The following AIG1 variants were observed in gnomAD, a reference collection of about 807,000 sequenced individuals.
AIG1 encodes androgen induced 1.
Under a neutral mutation model 31.4 loss-of-function variants are expected in AIG1, and 23 were observed. That is an observed-to-expected ratio of 0.73 (90% CI 0.53 to 1.04). The LOEUF is 1.04. Ranked by LOEUF, AIG1 falls within the 50% of genes least tolerant of loss-of-function variation. The probability of loss-of-function intolerance (pLI) is 0.00; values close to 1 mark genes in which losing one functional copy is unlikely to be tolerated. For synonymous variants in AIG1, 100 were observed against 110.5 expected, an observed-to-expected ratio of 0.90 and a Z score of 0.60; for missense variants, 274 against 295.0, an observed-to-expected ratio of 0.93 and a Z score of 0.52.
chr6:143,179,056 C>T (rs1788479698), intron 3 of AIG1, among the ~76,000 whole-genome samples: 1 of 152,010 alleles, frequency 6.6e-6, no homozygotes, highest in South Asian at 2.1e-4. Flanking sequence ...GGATAAGTGC[C>T]TTTATTGGGG....
chr6:143,152,205 C>T (rs1475945552), intron 2 of AIG1, among the ~76,000 whole-genome samples: 2 of 152,178 alleles, frequency 1.3e-5, no homozygotes, highest in East Asian at 1.9e-4. Context: ...AAAAAAAGCA[C>T]GGTTGATTTA....
At position 143,334,015 on chromosome 6, in the gene AIG1, T is replaced by C. The variant is rs1777290557; in HGVS notation, c.679+570T>C. 1.3e-6 allele frequency: 2 copies of C among 1,524,716 alleles called. No individual in the cohort carries two copies. The highest frequency in any genetic ancestry group is 1.8e-6 in the Non-Finnish European group (2 of 1,125,710). The allele number at this position is 1,524,716 out of a possible 1,614,324, so 94.4% of individuals were successfully genotyped here. A position where few individuals can be genotyped will look rare whatever the true frequency, so the allele number is the denominator to read the frequency against. ...GCTACAAGCAGTAAAAGATAATATT[T>C]CGTGGCTGGAAAAACTCTTTTAACC... On this transcript the variant is annotated intron_variant, in intron 5 of 5. Coordinates refer to ENST00000357847, the MANE Select transcript of AIG1 (RefSeq NM_016108.4). This position sits in a 1 kb window ranked among gnomAD's most constrained non-coding sequence, Gnocchi z 5.1.
At chr6:143,223,141 T>C (rs1792665173) in intron 3 of AIG1, among the ~76,000 whole-genome samples, 1 of 152,200 alleles carries the variant, frequency 6.6e-6, no homozygotes, top group Non-Finnish European at 1.5e-5. Flanking sequence ...CCAGCCTCTG[T>C]CTAGCAGACC....
At position 143,149,265 on chromosome 6, in the gene AIG1, A is replaced by C. The variant is rs146028030; in HGVS notation, c.297+12275A>C. 9.2e-3 allele frequency among the ~76,000 whole-genome samples: 1,403 copies of C among 152,160 alleles called. 15 individuals carry two copies. Among genetic ancestry groups the C allele is most frequent in the African/African-American group, 0.031 (1,280 of 41,512 alleles). ...TAGGAGGCTGGGTGCGGTGGCTTACACCTGTAATCCCAGCACTTTGGGAGG... is the reference window on the plus strand; with the variant it reads ...TAGGAGGCTGGGTGCGGTGGCTTACCCCTGTAATCCCAGCACTTTGGGAGG... On this transcript the variant is annotated intron_variant, in intron 2 of 5. Transcript: ENST00000357847.
At chr6:143,115,901 G>T (rs1781692383) in intron 1 of AIG1, among the ~76,000 whole-genome samples, 1 of 152,172 alleles carries the variant, frequency 6.6e-6, no homozygotes, top group African/African-American at 2.4e-5. Flanking sequence ...TTTTTCAGCT[G>T]TAATGTCAAC....
At chr6:143,257,169 C>T (rs1795427699) in intron 3 of AIG1, among the ~76,000 whole-genome samples, 1 of 152,214 alleles carries the variant, frequency 6.6e-6, no homozygotes, top group African/African-American at 2.4e-5. Flanking sequence ...CTCCCACTGC[C>T]TCCGTCCATG....
Position 143,318,901 on chromosome 6 carries a change from G to A in AIG1, c.516-14381G>A, listed in dbSNP as rs567041920. On this transcript the variant is annotated intron_variant, in intron 4 of 5. Transcript: ENST00000357847. ...ATGCTCAACATCACTAATGATCAGGGAAATGAAAATCAAAACCAAATGTGA... is the reference window on the plus strand; with the variant it reads ...ATGCTCAACATCACTAATGATCAGGAAAATGAAAATCAAAACCAAATGTGA... 9.2e-5 allele frequency among the ~76,000 whole-genome samples: 14 copies of A among 152,246 alleles called. No homozygotes were observed. The South Asian group carries it at 2.5e-3, about 27-fold the overall frequency.
intron 3 of AIG1, among the ~76,000 whole-genome samples, chr6:143,195,880 G>A (rs889951540): frequency 1.3e-5 from 2 of 152,280 alleles, no homozygotes; most frequent in African/African-American, 2.4e-5. Flanking sequence ...AAAACAAAAA[G>A]CAATTAAACA....
chr6:143,098,601 T>G (rs1317047000), intron 1 of AIG1, among the ~76,000 whole-genome samples: 1 of 152,244 alleles, frequency 6.6e-6, no homozygotes, highest in Non-Finnish European at 1.5e-5. Context: ...ATTTATATTT[T>G]GAGCCCCAGT....
rs1269168569 is a variant in AIG1, at chr6:143,329,605, G to T, written c.516-3677G>T. Reference sequence around the variant, plus strand: ...ACATTGTGTGCTGAAGGAACTTTGTGAAATACAAAGAACTACTTAAACAAG... The same window carrying T: ...ACATTGTGTGCTGAAGGAACTTTGTTAAATACAAAGAACTACTTAAACAAG... On this transcript the variant is annotated intron_variant, in intron 4 of 5. Transcript: ENST00000357847. The surrounding 1 kb of genome is among the most constrained non-coding windows in gnomAD (Gnocchi z 4.9). Among the ~76,000 whole-genome samples the T allele has an allele frequency of 6.6e-6, 1 of 152,172 alleles. No individual in the cohort carries two copies. Among genetic ancestry groups the T allele is most frequent in the African/African-American group, 2.4e-5 (1 of 41,450 alleles).
At chr6:143,074,923 G>A (rs773880459) in intron 1 of AIG1, among the ~76,000 whole-genome samples, 2 of 152,164 alleles carry the variant, frequency 1.3e-5, no homozygotes, top group Non-Finnish European at 2.9e-5. Flanking sequence ...TGTTACTTCT[G>A]TCCAGAATGT....
chr6:143,220,270 T>C (rs1462122764), intron 3 of AIG1, among the ~76,000 whole-genome samples: 2 of 152,208 alleles, frequency 1.3e-5, no homozygotes, highest in Admixed American at 6.5e-5. Flanking sequence ...ATTCATAACA[T>C]TTATTACTAT....
At chr6:143,162,204 G>A (rs983143724) in intron 2 of AIG1, among the ~76,000 whole-genome samples, 6 of 152,110 alleles carry the variant, frequency 3.9e-5, no homozygotes, top group African/African-American at 1.4e-4. Context: ...TTATGGACAG[G>A]TTCAGCAAAA....
intron 3 of AIG1, chr6:143,189,177 G>A (rs1239616106): frequency 4.4e-6 from 2 of 459,130 alleles, no homozygotes; most frequent in Non-Finnish European, 5.7e-6. Flanking sequence ...CCAAGTAGCT[G>A]GGACCACAGA....
chr6:143,086,833 C>T (rs781309484), intron 1 of AIG1, among the ~76,000 whole-genome samples: 9 of 152,152 alleles, frequency 5.9e-5, no homozygotes, highest in African/African-American at 7.2e-5. Context: ...AAAGATGGGG[C>T]GCACGCATGG....
At chr6:143,064,527 G>T (rs1206478812) in intron 1 of AIG1, among the ~76,000 whole-genome samples, 1 of 152,138 alleles carries the variant, frequency 6.6e-6, no homozygotes, top group Non-Finnish European at 1.5e-5. Flanking sequence ...TAATAAATTT[G>T]TGTCATTTAA....
intron 1 of AIG1, among the ~76,000 whole-genome samples, chr6:143,091,045 G>A (rs1344939306): frequency 5.3e-5 from 8 of 152,126 alleles, no homozygotes; most frequent in Non-Finnish European, 1.2e-4. Context: ...TTCAACAGGT[G>A]TAGATTCCAT....
At chr6:143,075,356 C>T (rs1326322072) in intron 1 of AIG1, among the ~76,000 whole-genome samples, 1 of 152,034 alleles carries the variant, frequency 6.6e-6, no homozygotes, top group African/African-American at 2.4e-5. Context: ...CTCACTCTGT[C>T]ACCCAGGCTG....
intron 1 of AIG1, among the ~76,000 whole-genome samples, chr6:143,062,756 G>A (rs981170190): frequency 1.3e-5 from 2 of 152,312 alleles, no homozygotes; most frequent in Non-Finnish European, 2.9e-5. Context: ...CTATGTTAAG[G>A]ATGTTGAGAT....
Sources: gnomAD v4.1 joint callset for allele counts (sites outside exome capture counted in the v4.1 genomes callset) on GRCh38, gnomAD v4.1.1 for gene constraint, Gnocchi (gnomAD v3.1) non-coding constraint, MANE v1.5 for transcripts, NCBI Gene and HGNC (gene_info 2026-07-23, HGNC 2026-07-21) for gene names.